Variants in SLC25A21 observed in about 807,000 individuals in gnomAD.
The protein encoded by SLC25A21 is mitochondrial 2-oxodicarboxylate carrier.
SLC25A21 carries 47 observed loss-of-function variants against 43.8 expected under a neutral mutation model. The observed-to-expected ratio is 1.07, with a 90% confidence interval of 0.85 to 1.37. SLC25A21 has a LOEUF of 1.37. Among genes scored for constraint, SLC25A21 ranks in the 40% most tolerant of loss-of-function variants. The pLI is 0.00. For synonymous variants in SLC25A21, 131 were observed against 121.3 expected, an observed-to-expected ratio of 1.08 and a Z score of -0.52; for missense variants, 352 against 350.2, an observed-to-expected ratio of 1.00 and a Z score of -0.04.
At chr14:37,100,812 A>C (rs1401502180) in intron 1 of SLC25A21, among the ~76,000 whole-genome samples, 1 of 152,210 alleles carries the variant, frequency 6.6e-6, no homozygotes, top group Non-Finnish European at 1.5e-5. Flanking sequence ...CAGTTTCCGT[A>C]TGAAAGGAAT....
At chr14:36,854,730 C>T (rs1345022970) in intron 2 of SLC25A21, among the ~76,000 whole-genome samples, 2 of 152,020 alleles carry the variant, frequency 1.3e-5, no homozygotes, top group Non-Finnish European at 2.9e-5. Flanking sequence ...GCAGATATTG[C>T]GGATTCTGGA....
intron 2 of SLC25A21, among the ~76,000 whole-genome samples, chr14:36,854,347 G>C (rs1012842531): frequency 1.4e-4 from 21 of 152,224 alleles, no homozygotes; most frequent in Admixed American, 2.6e-4. Context: ...GTCGAGTTGG[G>C]CCTTGAAGGA....
intron 1 of SLC25A21, among the ~76,000 whole-genome samples, chr14:37,074,750 TG>T (rs1326588011): frequency 6.6e-6 from 1 of 152,052 alleles, no homozygotes; most frequent in Admixed American, 6.6e-5. Flanking sequence ...GGAGAACTGC[TG>T]GAACCCGAGA....
intron 1 of SLC25A21, among the ~76,000 whole-genome samples, chr14:37,127,440 G>A (rs1963316336): frequency 6.6e-6 from 1 of 152,150 alleles, no homozygotes; most frequent in Non-Finnish European, 1.5e-5. Flanking sequence ...GCTGCACAAA[G>A]CGTTATGAGC....
At chr14:36,952,260 G>C (rs28500652) in intron 1 of SLC25A21, 1 of 153,738 alleles carries the variant, frequency 6.5e-6, no homozygotes, top group African/African-American at 2.4e-5. Context: ...AAAAAAGAAA[G>C]AATCAGAGTA....
chr14:36,836,954 T>C (rs1889229793), intron 2 of SLC25A21, among the ~76,000 whole-genome samples: 1 of 152,074 alleles, frequency 6.6e-6, no homozygotes, highest in Non-Finnish European at 1.5e-5. Flanking sequence ...GGGACTCATC[T>C]TAGAAAAGAG....
intron 3 of SLC25A21, among the ~76,000 whole-genome samples, chr14:36,746,487 C>G (rs1885504478): frequency 6.6e-6 from 1 of 152,114 alleles, no homozygotes; most frequent in Non-Finnish European, 1.5e-5. Flanking sequence ...AACAATACCA[C>G]CTACTGGGTA....
chr14:37,007,228 C>G (rs1286379802), intron 1 of SLC25A21, among the ~76,000 whole-genome samples: 1 of 152,128 alleles, frequency 6.6e-6, no homozygotes, highest in African/African-American at 2.4e-5. Flanking sequence ...AGATTACCTG[C>G]TATACTTTCA....
chr14:36,915,891 A>G (rs1027713159), intron 1 of SLC25A21, among the ~76,000 whole-genome samples: 3 of 152,130 alleles, frequency 2.0e-5, no homozygotes, highest in Admixed American at 6.6e-5. Context: ...CATGGCCCTC[A>G]TGTAACCTAA....
Position 37,113,575 on chromosome 14 carries a change from C to T in SLC25A21, c.70+58706G>A, listed in dbSNP as rs536202826. 2.4e-4 allele frequency among the ~76,000 whole-genome samples: 36 copies of T among 152,124 alleles called. No individual in the cohort carries two copies. The South Asian group carries it at 7.3e-3, about 31-fold the overall frequency. On this transcript the variant is annotated intron_variant, in intron 1 of 9. Transcript: ENST00000331299. ...ATGCTTTGAAATAATAATGTTAGAC[C>T]GGGAGTGTTGGCTCACACCAGTAAT...
intron 3 of SLC25A21, among the ~76,000 whole-genome samples, chr14:36,782,621 C>A (rs1887104958): frequency 6.6e-6 from 1 of 152,160 alleles, no homozygotes; most frequent in Non-Finnish European, 1.5e-5. Flanking sequence ...CTTTCTCAGA[C>A]CTTCTCTATG....
Position 36,809,878 on chromosome 14 carries a change from G to A in SLC25A21, c.203+4040C>T, listed in dbSNP as rs1043738000. On this transcript the variant is annotated intron_variant, in intron 3 of 9. Coordinates refer to ENST00000331299, the MANE Select transcript of SLC25A21 (RefSeq NM_030631.4). The stretch of plus-strand genomic sequence containing the variant: ...AACTGGCCTCTATGCACCTGAGTAG[G>A]AAAGACATCTTTGAAAACGGAGTGA... Among the ~76,000 whole-genome samples the A allele has an allele frequency of 2.0e-5, 3 of 152,160 alleles. No homozygotes were observed. In the East Asian group the frequency reaches 5.8e-4, roughly 29 times the overall value.
chr14:36,932,586 T>C (rs1419067070), intron 1 of SLC25A21, among the ~76,000 whole-genome samples: 1 of 152,096 alleles, frequency 6.6e-6, no homozygotes, highest in Non-Finnish European at 1.5e-5. Context: ...TCCATTTTGT[T>C]GCATTTCTTA....
At chr14:37,043,940 G>GTTTTTT (rs59081965) in intron 1 of SLC25A21, among the ~76,000 whole-genome samples, 2,337 of 55,024 alleles carry the variant, frequency 0.042, 88 homozygotes, top group African/African-American at 0.16. Context: ...ATGTTTTTTT[G>GTTTTTT]TTTTTTTTTT....
At position 36,764,103 on chromosome 14, in the gene SLC25A21, G is replaced by A. The variant is rs1313913460; in HGVS notation, c.204-29530C>T. Among the ~76,000 whole-genome samples, 175 of 45,934 alleles carry A rather than the reference G, an allele frequency of 3.8e-3. 4 individuals are homozygous for A. Among genetic ancestry groups the A allele is most frequent in the East Asian group, 0.02 (13 of 638 alleles). The allele number at this position is 45,934 out of a possible 152,430, so 30.1% of individuals were successfully genotyped here. On this transcript the variant is annotated intron_variant, in intron 3 of 9. Coordinates refer to ENST00000331299, the MANE Select transcript of SLC25A21 (RefSeq NM_030631.4). ...AAGAAGGAAGGAAGGAAGGAAGGAAGGAAGGAAGGAAAGAAGGAAAGAAGG... is the reference window on the plus strand; with the variant it reads ...AAGAAGGAAGGAAGGAAGGAAGGAAAGAAGGAAGGAAAGAAGGAAAGAAGG...
At chr14:37,055,005 G>A (rs1961789866) in intron 1 of SLC25A21, among the ~76,000 whole-genome samples, 1 of 152,142 alleles carries the variant, frequency 6.6e-6, no homozygotes, top group Non-Finnish European at 1.5e-5. Flanking sequence ...CTGCCCAGCT[G>A]GAATTCAGAA....
chr14:36,981,623 G>A (rs1179464344), intron 1 of SLC25A21, among the ~76,000 whole-genome samples: 1 of 152,118 alleles, frequency 6.6e-6, no homozygotes, highest in East Asian at 1.9e-4. Context: ...TCACTCATAG[G>A]TGGGAATTGA....
chr14:37,067,586 T>G (rs1006399013), intron 1 of SLC25A21, among the ~76,000 whole-genome samples: 8 of 152,096 alleles, frequency 5.3e-5, no homozygotes, highest in Non-Finnish European at 7.4e-5. Context: ...ATGGAAAATC[T>G]GAGATGCAAG....
intron 3 of SLC25A21, among the ~76,000 whole-genome samples, chr14:36,753,919 C>CAGAGAGAGAGAGAGAGAGAGAGAG (rs56871881): frequency 7.3e-4 from 95 of 130,070 alleles, no homozygotes; most frequent in South Asian, 1.2e-3. Context: ...TCACTGGGGA[C>CAGAGAGAGAGAGAGAGAGAGAGAG]AGAGAGAGAG....
Sources: allele counts gnomAD v4.1 joint callset (sites outside exome capture counted in the v4.1 genomes callset), GRCh38; gene constraint gnomAD v4.1.1; transcripts MANE v1.5; gene names NCBI Gene and HGNC (gene_info 2026-07-23, HGNC 2026-07-21).